The following STAG1 variants were observed in gnomAD, a reference collection of about 807,000 sequenced individuals.
STAG1 encodes the protein cohesin subunit SA-1.
STAG1 carries 26 observed loss-of-function variants against 170.9 expected under a neutral mutation model. That is an observed-to-expected ratio of 0.15 (90% CI 0.11 to 0.21). STAG1 has a LOEUF of 0.21. Among genes scored for constraint, STAG1 ranks in the 10% least tolerant of loss-of-function variants. STAG1 has a pLI of 1.00. For synonymous variants in STAG1, 514 were observed against 497.7 expected, an observed-to-expected ratio of 1.03 and a Z score of -0.44; for missense variants, 964 against 1,509.5, an observed-to-expected ratio of 0.64 and a Z score of 5.99.
intron 28 of STAG1, among the ~76,000 whole-genome samples, chr3:136,353,496 C>T (rs574890813): frequency 1.3e-5 from 2 of 152,218 alleles, no homozygotes; most frequent in South Asian, 4.1e-4. Context: ...AAAGAAAATC[C>T]AATAAAATTA....
rs527366580 is a variant in STAG1, at chr3:136,733,985, T to C, written c.-84+18210A>G. Among the ~76,000 whole-genome samples, 12 of 151,816 alleles carry C rather than the reference T, an allele frequency of 7.9e-5. No homozygotes were observed. In the South Asian group the frequency reaches 1.9e-3, roughly 24 times the overall value. ...AGCCGGGTGTGGTGGCGGGCACCTGTAGTCCCAGCTACTCAGGAGGCTGAG... is the reference window on the plus strand; with the variant it reads ...AGCCGGGTGTGGTGGCGGGCACCTGCAGTCCCAGCTACTCAGGAGGCTGAG... On this transcript the variant is annotated intron_variant, in intron 1 of 33. Transcript: ENST00000383202.
intron 1 of STAG1, among the ~76,000 whole-genome samples, chr3:136,655,975 C>T (rs894378870): frequency 2.6e-5 from 4 of 152,022 alleles, no homozygotes; most frequent in Non-Finnish European, 5.9e-5. Context: ...TTTATACACC[C>T]ATGTTCATAG....
chr3:136,446,812 T>A (rs546751753), intron 14 of STAG1, among the ~76,000 whole-genome samples: 19 of 148,320 alleles, frequency 1.3e-4, no homozygotes, highest in African/African-American at 3.7e-4. Context: ...TCTTTCATAT[T>A]TTTTTTTTTT....
intron 27 of STAG1, 150 bp downstream of exon 27, chr3:136,358,998 C>T: frequency 1.5e-6 from 1 of 659,982 alleles, no homozygotes; most frequent in East Asian, 3.0e-5. Context: ...AAATTAAAAA[C>T]ATCCTCCCAG....
intron 6 of STAG1, among the ~76,000 whole-genome samples, chr3:136,528,995 T>A (rs1070231): frequency 6.6e-6 from 1 of 151,960 alleles, no homozygotes; most frequent in African/African-American, 2.4e-5. Flanking sequence ...CCACAAATTT[T>A]GGAACTGAAT....
chr3:136,363,841 A>T (rs567912809), intron 25 of STAG1, among the ~76,000 whole-genome samples: 22 of 152,258 alleles, frequency 1.4e-4, no homozygotes, highest in Non-Finnish European at 2.1e-4. Flanking sequence ...TGCAGCCTTC[A>T]ACTCTGGGCT....
Position 136,571,814 on chromosome 3 carries a change from G to A in STAG1, c.298-2953C>T, listed in dbSNP as rs1937274398. Among the ~76,000 whole-genome samples the A allele has an allele frequency of 1.3e-5, 2 of 152,152 alleles. 1 individual carries two copies. The highest frequency in any genetic ancestry group is 4.1e-4 in the South Asian group (2 of 4,822). On this transcript the variant is annotated intron_variant, in intron 4 of 33. Transcript: ENST00000383202. The stretch of plus-strand genomic sequence containing the variant: ...GAGGATCACTTGAGCCCAGGAGTTT[G>A]AGGCTACAGTGAACTATTACCATGC...
chr3:136,600,765 C>T (rs1223648377), intron 4 of STAG1, among the ~76,000 whole-genome samples: 1 of 152,144 alleles, frequency 6.6e-6, no homozygotes, highest in Non-Finnish European at 1.5e-5. Flanking sequence ...AAACTCCTGA[C>T]CTTCTGATCT....
chr3:136,690,346 C>T (rs1942680740), intron 1 of STAG1, among the ~76,000 whole-genome samples: 1 of 152,206 alleles, frequency 6.6e-6, no homozygotes, highest in South Asian at 2.1e-4. Flanking sequence ...AAGTGATTCT[C>T]CTGCCTCAGC....
At chr3:136,546,887 TCCTGTTTCTTCAA>T (rs1321682208) in intron 5 of STAG1, among the ~76,000 whole-genome samples, 1 of 152,228 alleles carries the variant, frequency 6.6e-6, no homozygotes, top group Non-Finnish European at 1.5e-5. Flanking sequence ...AATGATCAAG[TCCTGTTTCTTCAA>T]CCTGTGCTTC....
intron 9 of STAG1, among the ~76,000 whole-genome samples, chr3:136,497,461 A>C (rs1007994850): frequency 6.6e-6 from 1 of 152,166 alleles, no homozygotes; most frequent in Non-Finnish European, 1.5e-5. Flanking sequence ...AAATAAAACA[A>C]CACACTGATC....
intron 1 of STAG1, among the ~76,000 whole-genome samples, chr3:136,707,876 G>A (rs1377046599): frequency 6.6e-6 from 1 of 151,962 alleles, no homozygotes; most frequent in Admixed American, 6.6e-5. Flanking sequence ...CCTCCCAATA[G>A]GTCCCACCTC....
chr3:136,610,803 T>C (rs1939237874), intron 3 of STAG1, among the ~76,000 whole-genome samples: 1 of 152,184 alleles, frequency 6.6e-6, no homozygotes, highest in African/African-American at 2.4e-5. Flanking sequence ...TGACAAATGC[T>C]TGGTGTTGTG....
intron 9 of STAG1, among the ~76,000 whole-genome samples, chr3:136,480,917 G>A (rs1277513192): frequency 6.9e-6 from 1 of 144,498 alleles, no homozygotes; most frequent in African/African-American, 2.5e-5. Context: ...TGTGATTTTT[G>A]TACATTGATT....
At chr3:136,705,040 T>C (rs1165988745) in intron 1 of STAG1, among the ~76,000 whole-genome samples, 1 of 151,912 alleles carries the variant, frequency 6.6e-6, no homozygotes, top group Non-Finnish European at 1.5e-5. Context: ...AACTTCACTT[T>C]CAATAATGGC....
intron 9 of STAG1, among the ~76,000 whole-genome samples, chr3:136,492,014 C>A (rs2090134092): frequency 6.6e-6 from 1 of 152,018 alleles, no homozygotes; most frequent in Non-Finnish European, 1.5e-5. Flanking sequence ...AACAAAAAAA[C>A]AAAAAAATCA....
chr3:136,713,557 TG>T (rs1943441183), intron 1 of STAG1, among the ~76,000 whole-genome samples: 1 of 147,684 alleles, frequency 6.8e-6, no homozygotes, highest in Non-Finnish European at 1.5e-5. Flanking sequence ...CACTCTAGCC[TG>T]GGAAACAGAG....
chr3:136,671,443 T>C (rs1184799427), intron 1 of STAG1, among the ~76,000 whole-genome samples: 1 of 152,094 alleles, frequency 6.6e-6, no homozygotes, highest in East Asian at 1.9e-4. Flanking sequence ...TACAGAGGAA[T>C]AGGAAGAAAA....
intron 13 of STAG1, among the ~76,000 whole-genome samples, chr3:136,463,317 T>C (rs775993283): frequency 1.4e-4 from 22 of 152,120 alleles, no homozygotes; most frequent in Non-Finnish European, 2.8e-4. Flanking sequence ...AGAGAACAAT[T>C]TGTTATTGTA....
Sources: gnomAD v4.1 joint callset for allele counts (sites outside exome capture counted in the v4.1 genomes callset) on GRCh38, gnomAD v4.1.1 for gene constraint, MANE v1.5 for transcripts, NCBI Gene and HGNC (gene_info 2026-07-23, HGNC 2026-07-21) for gene names.